The following PCDHGB3 variants were observed in gnomAD, a reference collection of about 807,000 sequenced individuals.
The protein encoded by PCDHGB3 is protocadherin gamma-B3.
A neutral mutation model predicts 59.2 loss-of-function variants in PCDHGB3; 40 were observed. The ratio of observed to expected loss-of-function variants is 0.68; its 90% CI spans 0.52 to 0.88. The LOEUF is 0.88. Ranked by LOEUF, PCDHGB3 falls within the 40% of genes least tolerant of loss-of-function variation. The probability of loss-of-function intolerance (pLI) is 0.00; values close to 1 mark genes in which losing one functional copy is unlikely to be tolerated. For synonymous variants in PCDHGB3, 581 were observed against 503.6 expected, an observed-to-expected ratio of 1.15 and a Z score of -2.06; for missense variants, 1,309 against 1,187.9, an observed-to-expected ratio of 1.10 and a Z score of -1.50.
chr5:141,502,866 C>CTT (rs549047197), intron 2 of PCDHGB3, among the ~76,000 whole-genome samples: 3 of 128,046 alleles, frequency 2.3e-5, no homozygotes, highest in Non-Finnish European at 3.2e-5. Flanking sequence ...GACTCTCTGT[C>CTT]TTTTTTTTTT....
chr5:141,468,282 G>A (rs1368214716), intron 1 of PCDHGB3, among the ~76,000 whole-genome samples: 1 of 140,012 alleles, frequency 7.1e-6, no homozygotes, highest in African/African-American at 2.7e-5. Context: ...CCGAGACCAC[G>A]CCATTGCACC....
chr5:141,394,454 A>G (rs1394596470), intron 1 of PCDHGB3: 2 of 1,614,212 alleles, frequency 1.2e-6, no homozygotes, highest in Admixed American at 1.7e-5. Context: ...GCAACATGTC[A>G]CTGAGCCTGT....
chr5:141,383,083 C>G, intron 1 of PCDHGB3: 1 of 1,613,852 alleles, frequency 6.2e-7, no homozygotes. Flanking sequence ...GCTGGCGGAG[C>G]GCGGAGTCCG....
intron 1 of PCDHGB3, chr5:141,415,453 G>A (rs759873920): frequency 1.9e-6 from 3 of 1,614,176 alleles, no homozygotes. Context: ...CTATTCCCAC[G>A]AGGTCTCTCT....
In PCDHGB3 at chr5:141,400,505, C is replaced by T. The variant is rs759107285; in HGVS notation, c.2415+27696C>T. The stretch of plus-strand genomic sequence containing the variant: ...TTTCCACTTTGTAATTCCAGCGAGT[C>T]GACTTCCCATCCTGAGTTGGTGAGT... On this transcript the variant is annotated intron_variant, in intron 1 of 3. Transcript: ENST00000576222. 9 of 1,613,816 alleles carry T rather than the reference C, an allele frequency of 5.6e-6. No homozygotes were observed. In the African/African-American group the frequency reaches 6.7e-5, roughly 12 times the overall value.
intron 1 of PCDHGB3, among the ~76,000 whole-genome samples, chr5:141,466,506 G>A (rs1417729031): frequency 6.6e-6 from 1 of 152,156 alleles, no homozygotes; most frequent in Non-Finnish European, 1.5e-5. Context: ...GCACAGACAA[G>A]ATCATTTTTT....
At chr5:141,393,592 G>T (rs200863279) in intron 1 of PCDHGB3, 1 of 1,613,908 alleles carries the variant, frequency 6.2e-7, no homozygotes, top group South Asian at 1.1e-5. Flanking sequence ...CCAGGCACGC[G>T]GCTGCTTACT....
intron 1 of PCDHGB3, chr5:141,384,825 C>G (rs570988671): frequency 6.2e-7 from 1 of 1,613,356 alleles, no homozygotes; most frequent in Non-Finnish European, 8.5e-7. Context: ...AGCAGAGCCT[C>G]GTGGTGGCCG....
At position 141,371,726 on chromosome 5, in the gene PCDHGB3, T is replaced by C. The variant is rs769173416; in HGVS notation, c.1332T>C (p.Asp444=). The C allele has an allele frequency of 6.2e-7, 1 of 1,614,050 alleles. No homozygotes were observed. The highest frequency in any genetic ancestry group is 8.5e-7 in the Non-Finnish European group (1 of 1,179,896). The change falls in exon 1 of 4, where the codon GAT becomes GAC. Residue 444 remains aspartate (D), a synonymous_variant. Transcript: ENST00000576222. The part of the protein sequence containing the change: ...SSKTITLHIL[D]VNDNVPVFHQ... ...AGACCATCACTCTGCACATCCTTGA[T>C]GTCAACGACAACGTTCCCGTTTTCC...
intron 1 of PCDHGB3, chr5:141,398,690 G>A (rs1258068362): frequency 1.9e-6 from 3 of 1,613,914 alleles, no homozygotes; most frequent in African/African-American, 1.3e-5. Flanking sequence ...AAACAGGATG[G>A]TAGTAAATAC....
intron 1 of PCDHGB3, among the ~76,000 whole-genome samples, chr5:141,474,747 A>AGACAAATAT (rs1447050692): frequency 6.6e-6 from 1 of 152,264 alleles, no homozygotes; most frequent in African/African-American, 2.4e-5. Context: ...GTGATGTCCA[A>AGACAAATAT]GACAAATATA....
In PCDHGB3 at chr5:141,491,721, C is replaced by T. The variant is rs761584159; in HGVS notation, c.2416-3086C>T. On this transcript the variant is annotated intron_variant, in intron 1 of 3. Transcript: ENST00000576222. The surrounding 1 kb of genome is among the most constrained non-coding windows in gnomAD (Gnocchi z 6.9). The stretch of plus-strand genomic sequence containing the variant: ...GCCAGGTGAGGGGCTCGGCGCCGCC[C>T]CGGGCGACCCCTGGGGGCGGCACTG... 3 of 1,607,250 alleles carry T rather than the reference C, an allele frequency of 1.9e-6. No homozygotes were observed. Among genetic ancestry groups the T allele is most frequent in the Admixed American group, 1.7e-5 (1 of 58,860 alleles).
At chr5:141,409,217 G>A (rs1394491727) in intron 1 of PCDHGB3, 1 of 1,613,852 alleles carries the variant, frequency 6.2e-7, no homozygotes, top group Non-Finnish European at 8.5e-7. Context: ...AGAAATCCTT[G>A]ATGAAAACGA....
intron 1 of PCDHGB3, chr5:141,394,949 G>A (rs761514870): frequency 1.9e-6 from 3 of 1,613,906 alleles, no homozygotes; most frequent in Non-Finnish European, 1.7e-6. Flanking sequence ...CTGTGCTTCT[G>A]GGGCTCAGGC....
At chr5:141,422,090 AGGCTTCTGAAATATTCCAATT>A (rs1561798894) in intron 1 of PCDHGB3, 11 of 1,611,852 alleles carry the variant, frequency 6.8e-6, no homozygotes, top group Non-Finnish European at 9.3e-6. Flanking sequence ...ATGGAAAGCA[AGGCTTCTGAAATATTCCAATT>A]GGATTCACAA....
At chr5:141,404,524 G>A (rs368795324) in intron 1 of PCDHGB3, 2 of 1,613,820 alleles carry the variant, frequency 1.2e-6, no homozygotes, top group African/African-American at 1.3e-5. Context: ...ACTATGAGCA[G>A]TTTAGAGATT....
At chr5:141,399,644 A>G (rs2093855347) in intron 1 of PCDHGB3, 2 of 1,613,810 alleles carry the variant, frequency 1.2e-6, no homozygotes, top group Non-Finnish European at 8.5e-7. Context: ...ATGAGCGCGC[A>G]AAGTGGGGTG....
At chr5:141,456,058 C>T (rs1488082918) in intron 1 of PCDHGB3, among the ~76,000 whole-genome samples, 3 of 151,880 alleles carry the variant, frequency 2.0e-5, no homozygotes, top group Admixed American at 6.6e-5. Context: ...CCACCACGTC[C>T]GGCTAATTTT....
intron 1 of PCDHGB3, chr5:141,389,008 G>C (rs1264850198): frequency 6.2e-7 from 1 of 1,613,992 alleles, no homozygotes; most frequent in Admixed American, 1.7e-5. Context: ...AAGGATTCCA[G>C]ACACAATGGA....
Sources: gnomAD v4.1 joint callset for allele counts (sites outside exome capture counted in the v4.1 genomes callset) on GRCh38, gnomAD v4.1.1 for gene constraint, Gnocchi (gnomAD v3.1) non-coding constraint, MANE v1.5 for transcripts, NCBI Gene and HGNC (gene_info 2026-07-23, HGNC 2026-07-21) for gene names.